Variants in FHIT observed in about 807,000 individuals in gnomAD.
FHIT encodes the protein fragile histidine triad diadenosine triphosphatase.
A neutral mutation model predicts 17.9 loss-of-function variants in FHIT; 19 were observed. The ratio of observed to expected loss-of-function variants is 1.06; its 90% CI spans 0.74 to 1.56. The LOEUF is 1.56. Ranked by LOEUF, FHIT falls within the 40% of genes most tolerant of loss-of-function variation. FHIT has a pLI of 0.00. For missense variants in FHIT, 248 were observed against 189.2 expected, an observed-to-expected ratio of 1.31 and a Z score of -1.82; for synonymous variants, 81 against 69.7, an observed-to-expected ratio of 1.16 and a Z score of -0.81.
intron 5 of FHIT, among the ~76,000 whole-genome samples, chr3:60,093,358 G>A (rs1164592104): frequency 6.6e-6 from 1 of 152,068 alleles, no homozygotes; most frequent in African/African-American, 2.4e-5. Flanking sequence ...ACATCACTCT[G>A]ACCTGCTTTT....
intron 4 of FHIT, among the ~76,000 whole-genome samples, chr3:60,555,239 T>C (rs2036703507): frequency 6.6e-6 from 1 of 152,112 alleles, no homozygotes; most frequent in African/African-American, 2.4e-5. Flanking sequence ...AAGATGTCGG[T>C]TAAAGGAAAT....
Position 59,747,514 on chromosome 3 carries a change from T to C in FHIT, c.*2071A>G, listed in dbSNP as rs574222870. Reference sequence around the variant, plus strand: ...GGATTATGGGAGCTACAATTCAAGATGAGATGTGGGTGGGGAAACAGCCAA... The same window carrying C: ...GGATTATGGGAGCTACAATTCAAGACGAGATGTGGGTGGGGAAACAGCCAA... On this transcript the variant is annotated 3_prime_UTR_variant, in exon 10 of 10. Transcript: ENST00000492590. Among the ~76,000 whole-genome samples, 2 of 152,308 alleles carry C rather than the reference T, an allele frequency of 1.3e-5. No homozygotes were observed. Among genetic ancestry groups the C allele is most frequent in the South Asian group, 4.1e-4 (2 of 4,824 alleles).
At chr3:60,228,345 C>G (rs932692076) in intron 5 of FHIT, among the ~76,000 whole-genome samples, 3 of 152,044 alleles carry the variant, frequency 2.0e-5, no homozygotes, top group Admixed American at 1.3e-4. Context: ...CAGCACAGGG[C>G]TTTCTTTTGG....
At chr3:61,136,470 G>A (rs909329165) in intron 2 of FHIT, among the ~76,000 whole-genome samples, 5 of 152,096 alleles carry the variant, frequency 3.3e-5, no homozygotes, top group Non-Finnish European at 7.4e-5. Context: ...AGTAGTGCAT[G>A]AACACAGAAT....
chr3:61,139,782 A>T (rs1160444901), intron 2 of FHIT, among the ~76,000 whole-genome samples: 1 of 152,200 alleles, frequency 6.6e-6, no homozygotes, highest in Non-Finnish European at 1.5e-5. Context: ...TTTGCGGTAC[A>T]CATCACTTTA....
chr3:60,464,901 G>A (rs377652269), intron 5 of FHIT, among the ~76,000 whole-genome samples: 1 of 152,004 alleles, frequency 6.6e-6, no homozygotes, highest in Non-Finnish European at 1.5e-5. Flanking sequence ...TGGATCATAT[G>A]GTAGCTCTTT....
rs1368350692 is a variant in FHIT, at chr3:60,909,471, T to C, written c.-110-87460A>G. On this transcript the variant is annotated intron_variant, in intron 3 of 9. Coordinates refer to ENST00000492590, the MANE Select transcript of FHIT (RefSeq NM_002012.4). ...CGGAAACATGTTTACATTTCTGATA[T>C]GCTGATAGTATATAATGCAGTATTG... is the stretch of plus-strand genomic sequence containing the variant. Among the ~76,000 whole-genome samples the C allele has an allele frequency of 3.3e-5, 5 of 152,144 alleles. No homozygotes were observed. The East Asian group carries it at 9.6e-4, about 29-fold the overall frequency.
At chr3:61,132,096 C>T (rs184777386) in intron 2 of FHIT, among the ~76,000 whole-genome samples, 1 of 152,294 alleles carries the variant, frequency 6.6e-6, no homozygotes, top group African/African-American at 2.4e-5. Context: ...GTGGTTCCAA[C>T]AATCAAAGGG....
At chr3:61,118,010 G>A (rs1462183052) in intron 2 of FHIT, among the ~76,000 whole-genome samples, 9 of 152,068 alleles carry the variant, frequency 5.9e-5, no homozygotes, top group Admixed American at 5.9e-4. Context: ...ATTGTCTTCT[G>A]AAATTACTCT....
At chr3:61,100,779 G>A (rs941116643) in intron 2 of FHIT, among the ~76,000 whole-genome samples, 14 of 152,262 alleles carry the variant, frequency 9.2e-5, no homozygotes, top group Admixed American at 4.6e-4. Context: ...GTATCTCATC[G>A]TGGTTTTGAT....
intron 5 of FHIT, among the ~76,000 whole-genome samples, chr3:60,473,664 A>C (rs1559943463): frequency 6.6e-6 from 1 of 152,220 alleles, no homozygotes; most frequent in Non-Finnish European, 1.5e-5. Context: ...CACGCCTGTA[A>C]TCCTAGCACT....
intron 5 of FHIT, among the ~76,000 whole-genome samples, chr3:60,293,492 AAAC>A (rs760813578): frequency 1.3e-5 from 2 of 152,294 alleles, no homozygotes; most frequent in East Asian, 1.9e-4. Context: ...CTCTGCCAGC[AAAC>A]AACGTTTTAT....
intron 4 of FHIT, among the ~76,000 whole-genome samples, chr3:60,637,859 G>A (rs573516830): frequency 2.6e-4 from 39 of 152,160 alleles, no homozygotes; most frequent in Non-Finnish European, 5.4e-4. Flanking sequence ...AAGGGACCAG[G>A]GATTCTTAAA....
At chr3:59,985,189 T>C (rs1708839108) in intron 7 of FHIT, among the ~76,000 whole-genome samples, 1 of 152,120 alleles carries the variant, frequency 6.6e-6, no homozygotes, top group Non-Finnish European at 1.5e-5. Context: ...AAAGTTAATT[T>C]GCCCATCTGG....
chr3:60,997,159 AT>A (rs2030732566), intron 3 of FHIT, among the ~76,000 whole-genome samples: 2 of 152,062 alleles, frequency 1.3e-5, no homozygotes, highest in African/African-American at 4.8e-5. Flanking sequence ...GCATTTCCTA[AT>A]TTTAGGCACC....
chr3:60,002,859 G>T (rs546292864), intron 7 of FHIT, among the ~76,000 whole-genome samples: 1 of 152,198 alleles, frequency 6.6e-6, no homozygotes, highest in East Asian at 1.9e-4. Context: ...TCTAGACCAA[G>T]AATCAAAATA....
At chr3:61,085,942 T>C (rs1170463689) in intron 2 of FHIT, among the ~76,000 whole-genome samples, 1 of 152,220 alleles carries the variant, frequency 6.6e-6, no homozygotes, top group Non-Finnish European at 1.5e-5. Context: ...TTTCATTTTG[T>C]AATTCTTTGT....
chr3:60,732,483 A>T (rs1474911477), intron 4 of FHIT: 1 of 696,940 alleles, frequency 1.4e-6, no homozygotes, highest in Non-Finnish European at 2.7e-6. Context: ...CTGTGAAAGC[A>T]GGAACCCTCA....
intron 5 of FHIT, among the ~76,000 whole-genome samples, chr3:60,148,573 A>T (rs577174205): frequency 6.6e-6 from 1 of 152,250 alleles, no homozygotes; most frequent in East Asian, 1.9e-4. Context: ...GTTAAGGGAG[A>T]TTTACCAGAC....
Sources: gnomAD v4.1 joint callset for allele counts (sites outside exome capture counted in the v4.1 genomes callset) on GRCh38, gnomAD v4.1.1 for gene constraint, MANE v1.5 for transcripts, NCBI Gene and HGNC (gene_info 2026-07-23, HGNC 2026-07-21) for gene names.